REEP5: variants seen among roughly 807,000 people sequenced by gnomAD.
REEP5 encodes receptor accessory protein 5, also known as receptor expression-enhancing protein 5.
A neutral mutation model predicts 22.4 loss-of-function variants in REEP5; 24 were observed. The observed-to-expected ratio is 1.07, with a 90% CI of 0.78 to 1.51. The LOEUF is 1.51. Among genes scored for constraint, REEP5 ranks in the 40% most tolerant of loss-of-function variants. The pLI is 0.00. For missense variants in REEP5, 252 were observed against 233.0 expected (o/e 1.08, Z -0.53); for synonymous variants, 103 against 88.6 (o/e 1.16, Z -0.92).
chr5:112,886,904 G>T, intron 4 of REEP5, 111 bp downstream of exon 4: 2 of 708,462 alleles, frequency 2.8e-6, no homozygotes, highest in Admixed American at 4.8e-5. Context: ...AGTAATGTTG[G>T]CATTTGGCTG....
rs1361848030 is a variant in REEP5 at position 112,907,220 on chromosome 5, A to C, written c.213-4702T>G. On this transcript the variant is annotated intron_variant, in intron 2 of 4. Coordinates refer to ENST00000379638, the MANE Select transcript of REEP5 (RefSeq NM_005669.5). ...CAACAATTCCTACCACTCTCTCCAC[A>C]GGCCTGGTCCACTCTTTTACAGGCT... Among the ~76,000 whole-genome samples, 4 of 152,234 alleles carry C rather than the reference A, an allele frequency of 2.6e-5. 1 individual carries two copies. In the Middle Eastern group the frequency reaches 0.014, roughly 518 times the overall value.
chr5:112,887,235 T>G lies in REEP5; in HGVS notation c.352-52A>C, dbSNP rs780674225. ...TAACAGGAGGGTGGAGGGGGCACATTCTGAGAATACACACTGTCTTTCACT... is the reference window on the plus strand; with the variant it reads ...TAACAGGAGGGTGGAGGGGGCACATGCTGAGAATACACACTGTCTTTCACT... On this transcript the variant is annotated intron_variant, in intron 3 of 4. Transcript: ENST00000379638. 9 of 1,467,380 alleles carry G rather than the reference T, an allele frequency of 6.1e-6. No homozygotes were observed. In the South Asian group the frequency reaches 1.3e-4, roughly 21 times the overall value. 90.9% of individuals were successfully genotyped at this position (1,467,380 alleles called of 1,614,324 possible).
Position 112,892,883 on chromosome 5 carries a change from G to A in REEP5, c.352-5700C>T, listed in dbSNP as rs142725524. On this transcript the variant is annotated intron_variant, in intron 3 of 4. Coordinates refer to ENST00000379638, the MANE Select transcript of REEP5 (RefSeq NM_005669.5). ...CATAGGGGGAAGAAATCTCACAAAC[G>A]CACATCAAAGAGTCGGGAGAGGCAC... The A allele has an allele frequency of 5.8e-4, 931 of 1,612,226 alleles. 5 individuals are homozygous for A. The African/African-American group carries it at 6.7e-3, about 12-fold the overall frequency.
intron 4 of REEP5, among the ~76,000 whole-genome samples, chr5:112,882,314 T>C (rs1052746667): frequency 6.6e-6 from 1 of 152,142 alleles, no homozygotes; most frequent in Non-Finnish European, 1.5e-5. Context: ...CCCTGCTTTT[T>C]TGCTCATTGT....
At chr5:112,921,649 G>C in intron 1 of REEP5, 1 of 256,122 alleles carries the variant, frequency 3.9e-6, no homozygotes, top group Non-Finnish European at 7.5e-6. Flanking sequence ...CGCTGCAGTA[G>C]CAGCCCCCGC....
At chr5:112,897,150 C>T (rs560761603) in intron 3 of REEP5, 2 of 152,088 alleles carry the variant, frequency 1.3e-5, no homozygotes, top group East Asian at 3.9e-4. Flanking sequence ...AAGCAAGACA[C>T]AGAATTATAT....
chr5:112,892,286 T>C (rs756517401), intron 3 of REEP5: 6 of 1,614,088 alleles, frequency 3.7e-6, no homozygotes, highest in Non-Finnish European at 5.1e-6. Context: ...ACGTTTGGAA[T>C]GGAGCAGTGC....
chr5:112,889,743 G>T (rs1222054325), intron 3 of REEP5, among the ~76,000 whole-genome samples: 4 of 150,346 alleles, frequency 2.7e-5, no homozygotes, highest in Non-Finnish European at 5.9e-5. Context: ...CACTTTGGGA[G>T]GCTGAGGTTG....
At chr5:112,901,516 C>T (rs115373447) in intron 3 of REEP5, among the ~76,000 whole-genome samples, 7,915 of 151,980 alleles carry the variant, frequency 0.052, 512 homozygotes, top group East Asian at 0.16. Flanking sequence ...CGAGAGCACC[C>T]TGGCCAACAT....
Position 112,877,803 on chromosome 5 carries a change from A to C in REEP5, c.*983T>G, listed in dbSNP as rs1767943279. ...GTGGACAAATCTTCAGAAGTTCCTTAAACTGGTTTAAAAAAGAAGATTGGG... is the reference window on the plus strand; with the variant it reads ...GTGGACAAATCTTCAGAAGTTCCTTCAACTGGTTTAAAAAAGAAGATTGGG... On this transcript the variant is annotated 3_prime_UTR_variant, in exon 5 of 5. Coordinates refer to ENST00000379638, the MANE Select transcript of REEP5 (RefSeq NM_005669.5). 1 of 152,196 alleles carries C rather than the reference A, an allele frequency of 6.6e-6. No homozygotes were observed. Among genetic ancestry groups the C allele is most frequent in the African/African-American group, 2.4e-5 (1 of 41,440 alleles). The allele number at this position is 152,196 out of a possible 1,614,324, so 9.4% of individuals were successfully genotyped here. A position where few individuals can be genotyped will look rare whatever the true frequency, so the allele number is the denominator to read the frequency against.
chr5:112,900,830 A>C (rs1768823108), intron 3 of REEP5, among the ~76,000 whole-genome samples: 1 of 152,114 alleles, frequency 6.6e-6, no homozygotes, highest in Non-Finnish European at 1.5e-5. Flanking sequence ...AGATATTTTA[A>C]GAATATATTT....
At chr5:112,913,557 A>G (rs950559046) in intron 2 of REEP5, among the ~76,000 whole-genome samples, 3 of 151,164 alleles carry the variant, frequency 2.0e-5, no homozygotes, top group East Asian at 3.9e-4. Context: ...AAAAAAAAAA[A>G]AAAAAATTAA....
chr5:112,910,575 G>A (rs1769080621), intron 2 of REEP5, among the ~76,000 whole-genome samples: 1 of 152,112 alleles, frequency 6.6e-6, no homozygotes, highest in Non-Finnish European at 1.5e-5. Flanking sequence ...TCTGGAGAGA[G>A]TATCTGTCCC....
intron 3 of REEP5, among the ~76,000 whole-genome samples, chr5:112,901,944 C>T (rs1031239401): frequency 2.1e-5 from 3 of 140,750 alleles, no homozygotes; most frequent in South Asian, 2.2e-4. Context: ...GCCTGGGCGA[C>T]GGAGCAAGAC....
Position 112,904,929 on chromosome 5 carries a change from G to T in REEP5, c.213-2411C>A, listed in dbSNP as rs550509117. 1.6e-4 allele frequency among the ~76,000 whole-genome samples: 24 copies of T among 152,058 alleles called. No individual in the cohort carries two copies. The South Asian group carries it at 4.8e-3, about 30-fold the overall frequency. On this transcript the variant is annotated intron_variant, in intron 2 of 4. Coordinates refer to ENST00000379638, the MANE Select transcript of REEP5 (RefSeq NM_005669.5). ...GTAACATTGAAAAGTAGAAATAAAAGAACTCCAAATTGAATACATACACTG... is the reference window on the plus strand; with the variant it reads ...GTAACATTGAAAAGTAGAAATAAAATAACTCCAAATTGAATACATACACTG...
chr5:112,905,931 T>C (rs565308009), intron 2 of REEP5, among the ~76,000 whole-genome samples: 20 of 152,312 alleles, frequency 1.3e-4, no homozygotes, highest in Middle Eastern at 3.4e-3. Context: ...GATACTTATA[T>C]ACCTTCTGAT....
At chr5:112,904,128 A>C (rs1407940970) in intron 2 of REEP5, among the ~76,000 whole-genome samples, 1 of 152,164 alleles carries the variant, frequency 6.6e-6, no homozygotes, top group African/African-American at 2.4e-5. Flanking sequence ...CCAGCCCCAA[A>C]TATTTCAAAG....
Position 112,922,088 on chromosome 5 carries a change from T to C in REEP5, c.103A>G (p.Ser35Gly). 3 of 1,602,294 alleles carry C rather than the reference T, an allele frequency of 1.9e-6. No individual in the cohort carries two copies. Among genetic ancestry groups the C allele is most frequent in the East Asian group, 2.3e-5 (1 of 43,524 alleles). The change falls in exon 1 of 5, where the codon AGC becomes GGC. Residue 35 changes from serine to glycine, a missense_variant. Coordinates refer to ENST00000379638, the MANE Select transcript of REEP5 (RefSeq NM_005669.5). ...GGCCACCCACCAAGAGCGATGAAGC[T>C]CCTGTTCACGCCGGTTTTGGCCTCG... is the stretch of plus-strand genomic sequence containing the variant. ...KLEAKTGVNR[S>G]FIALGVIGLV...
At chr5:112,888,585 G>A (rs1451258271) in intron 3 of REEP5, among the ~76,000 whole-genome samples, 1 of 124,014 alleles carries the variant, frequency 8.1e-6, no homozygotes, top group African/African-American at 3.6e-5. Context: ...CACCAGGCCT[G>A]GCTAATTTTT....
Sources: gnomAD v4.1 joint callset for allele counts (sites outside exome capture counted in the v4.1 genomes callset) on GRCh38, gnomAD v4.1.1 for gene constraint, MANE v1.5 for transcripts, NCBI Gene and HGNC (gene_info 2026-07-23, HGNC 2026-07-21) for gene names.